The following EIF4ENIF1 variants were observed in gnomAD, a reference collection of about 807,000 sequenced individuals.
The protein encoded by EIF4ENIF1 is eukaryotic translation initiation factor 4E transporter.
In EIF4ENIF1, 23 loss-of-function variants were observed where a neutral mutation model predicts 110.5. The ratio of observed to expected loss-of-function variants is 0.21; its 90% CI spans 0.15 to 0.29. The LOEUF (loss-of-function observed/expected upper bound fraction) is 0.29. Among genes scored for constraint, EIF4ENIF1 ranks in the 10% least tolerant of loss-of-function variants. The pLI is 1.00. For missense variants in EIF4ENIF1, 1,031 were observed against 1,221.1 expected (o/e 0.84, Z 2.32); for synonymous variants, 440 against 437.0 (o/e 1.01, Z -0.09).
At chr22:31,466,487 C>T (rs2051191992) in intron 4 of EIF4ENIF1, among the ~76,000 whole-genome samples, 2 of 151,556 alleles carry the variant, frequency 1.3e-5, no homozygotes, top group South Asian at 4.2e-4. Context: ...GAAGCTGAGG[C>T]AAGACAATCG....
intron 2 of EIF4ENIF1, among the ~76,000 whole-genome samples, chr22:31,485,462 G>A (rs149436044): frequency 3.9e-4 from 60 of 152,284 alleles, no homozygotes; most frequent in African/African-American, 1.4e-3. Flanking sequence ...ACCTCTGATC[G>A]GTGTGTGAAA....
rs1400259594 is a variant in EIF4ENIF1, at chr22:31,463,875, C to T, written c.391G>A (p.Val131Ile). 2 of 1,614,024 alleles carry T rather than the reference C, an allele frequency of 1.2e-6. No homozygotes were observed. Among genetic ancestry groups the T allele is most frequent in the Non-Finnish European group, 1.7e-6 (2 of 1,180,040 alleles). Residue 131 changes from valine (V) to isoleucine (I), a missense_variant, in exon 5 of 19, where the codon GTT (valine) becomes ATT (isoleucine). Physicochemically the swap from Val to Ile is conservative, Grantham distance 29. Around this residue, in one of 3 missense-constraint regions of EIF4ENIF1, gnomAD observed 704 missense variants for 879.7 expected, o/e 0.80. Transcript: ENST00000330125. Reference sequence around the variant, plus strand: ...GGACTTCCTGAGCGCCGGGAGCTAACAGCGGCTGTCACGTGGCAGCCCCCT... The same window carrying T: ...GGACTTCCTGAGCGCCGGGAGCTAATAGCGGCTGTCACGTGGCAGCCCCCT... ...FGGGCHVTAAVSSRRSGSPLE... is the reference protein window; with the variant it reads ...FGGGCHVTAAISSRRSGSPLE...
intron 2 of EIF4ENIF1, among the ~76,000 whole-genome samples, chr22:31,472,269 G>GT (rs1569096744): frequency 9.0e-5 from 11 of 122,110 alleles, no homozygotes; most frequent in Non-Finnish European, 1.7e-5. Context: ...CTTACAAGGG[G>GT]ATTTTTTTTT....
At chr22:31,492,477 T>G (rs1479501932), upstream of EIF4ENIF1, among the ~76,000 whole-genome samples, 1 of 152,214 alleles carries the variant, frequency 6.6e-6, no homozygotes, top group Non-Finnish European at 1.5e-5. Flanking sequence ...CTATCCTACT[T>G]AGGACCTACT....
Position 31,439,934 on chromosome 22 carries a change from C to T in EIF4ENIF1, c.2904G>A (p.Leu968=). The change falls in exon 19 of 19, where the codon CTG becomes CTA. Residue 968 remains leucine (L), a synonymous_variant. Coordinates refer to ENST00000330125, the MANE Select transcript of EIF4ENIF1 (RefSeq NM_019843.4). ...WFGSDVLQQP[L]PSMPAKVISV... ...TGATAACTTTGGCGGGCATGGAGGG[C>T]AGGGGTTGCTGTAGCACATCTGAGC... The T allele has an allele frequency of 6.2e-7, 1 of 1,614,116 alleles. No homozygotes were observed. The highest frequency in any genetic ancestry group is 8.5e-7 in the Non-Finnish European group (1 of 1,180,020).
chr22:31,443,638 G>A (rs553877554), intron 15 of EIF4ENIF1, among the ~76,000 whole-genome samples: 2 of 152,266 alleles, frequency 1.3e-5, no homozygotes, highest in East Asian at 1.9e-4. Flanking sequence ...GATGGCAGGA[G>A]ACAGGGCTTG....
downstream of EIF4ENIF1, among the ~76,000 whole-genome samples, chr22:31,438,754 C>T (rs779786065): frequency 3.3e-5 from 5 of 151,748 alleles, no homozygotes; most frequent in Non-Finnish European, 5.9e-5. Flanking sequence ...GATGGAGTCT[C>T]ACTCTGTCGC....
intron 2 of EIF4ENIF1, among the ~76,000 whole-genome samples, chr22:31,478,883 C>T (rs1329452051): frequency 5.5e-5 from 8 of 146,252 alleles, no homozygotes; most frequent in African/African-American, 1.8e-4. Context: ...ACCCGGGAGG[C>T]GGAGCTTGCA....
At chr22:31,461,957 A>G (rs1237728085) in intron 6 of EIF4ENIF1, among the ~76,000 whole-genome samples, 3 of 152,204 alleles carry the variant, frequency 2.0e-5, no homozygotes, top group Non-Finnish European at 4.4e-5. Context: ...TACACTGCAC[A>G]AGGTCATTAG....
Position 31,448,203 on chromosome 22 carries a change from C to T in EIF4ENIF1, c.1798G>A (p.Gly600Arg), listed in dbSNP as rs1371089658. Residue 600 changes from glycine to arginine, a missense_variant, in exon 13 of 19, where the codon GGA becomes AGA. This residue lies in a region of EIF4ENIF1 where 704 missense variants were observed against 879.7 expected (regional missense o/e 0.80). Transcript: ENST00000330125. ...GFTPGPQQLL[G>R]DPFQGMRKPM... ...TTGCGCATGCCTTGGAATGGATCTC[C>T]GAGTAGCTGCTGTGGTCCTGGTGTG... 3 of 1,614,136 alleles carry T rather than the reference C, an allele frequency of 1.9e-6. No homozygotes were observed. Among genetic ancestry groups the T allele is most frequent in the South Asian group, 1.1e-5 (1 of 91,090 alleles).
intron 2 of EIF4ENIF1, among the ~76,000 whole-genome samples, chr22:31,475,375 C>T (rs542150631): frequency 1.3e-5 from 2 of 152,228 alleles, no homozygotes; most frequent in Non-Finnish European, 2.9e-5. Flanking sequence ...GAGGCTGAAG[C>T]GGGAAGACTG....
intron 14 of EIF4ENIF1, among the ~76,000 whole-genome samples, chr22:31,445,958 C>G (rs991698793): frequency 2.0e-5 from 3 of 147,260 alleles, no homozygotes; most frequent in Non-Finnish European, 4.5e-5. Flanking sequence ...GTACCGCCCC[C>G]CCCCCCCATC....
At chr22:31,456,008 A>G (rs917146241) in intron 7 of EIF4ENIF1, 21 bp from the exon 8 acceptor site, 12 of 1,610,310 alleles carry the variant, frequency 7.5e-6, no homozygotes, top group African/African-American at 5.4e-5. Context: ...AGACAATAAA[A>G]ACTAATAGTT....
chr22:31,440,347 G>A (rs1023031339), intron 18 of EIF4ENIF1, among the ~76,000 whole-genome samples: 3 of 152,150 alleles, frequency 2.0e-5, no homozygotes, highest in South Asian at 2.1e-4. Flanking sequence ...TGACATGACC[G>A]CTACTTCTCA....
chr22:31,468,163 C>T lies in EIF4ENIF1; in HGVS notation c.298+12G>A, dbSNP rs199551904. On this transcript the variant is annotated intron_variant, in intron 4 of 18. Transcript: ENST00000330125. ...AATCACTAACCCCACTTCTGAGTGA[C>T]TGTGTGCTCACCTACTATCCTGCGC... is the stretch of plus-strand genomic sequence containing the variant. The T allele has an allele frequency of 5.8e-5, 94 of 1,612,804 alleles. No homozygotes were observed. The highest frequency in any genetic ancestry group is 7.9e-5 in the Non-Finnish European group (93 of 1,179,342).
intron 4 of EIF4ENIF1, among the ~76,000 whole-genome samples, chr22:31,464,550 T>C (rs946010171): frequency 1.3e-5 from 2 of 150,062 alleles, no homozygotes; most frequent in Non-Finnish European, 3.0e-5. Flanking sequence ...TTGTGGCAGG[T>C]GCCTGTAATC....
chr22:31,462,043 C>T (rs16989650), intron 6 of EIF4ENIF1, among the ~76,000 whole-genome samples: 7,046 of 152,290 alleles, frequency 0.046, 156 homozygotes, highest in African/African-American at 0.055. Flanking sequence ...TGAGACCTCT[C>T]ATTTTTCTAC....
intron 4 of EIF4ENIF1, among the ~76,000 whole-genome samples, chr22:31,465,108 GAGGTT>G (rs2051139935): frequency 6.6e-6 from 1 of 152,052 alleles, no homozygotes; most frequent in Non-Finnish European, 1.5e-5. Context: ...TGGATCACCT[GAGGTT>G]AGGAGTTCGA....
chr22:31,446,017 C>T (rs1040586369), intron 14 of EIF4ENIF1, among the ~76,000 whole-genome samples: 2 of 139,916 alleles, frequency 1.4e-5, no homozygotes, highest in East Asian at 2.5e-4. Flanking sequence ...GGGCCAGGTG[C>T]GGTGGCTCAT....
Sources: allele counts gnomAD v4.1 joint callset (sites outside exome capture counted in the v4.1 genomes callset), GRCh38; gene constraint gnomAD v4.1.1; regional missense constraint gnomAD v4.1.1; transcripts MANE v1.5; gene names NCBI Gene and HGNC (gene_info 2026-07-23, HGNC 2026-07-21).